VPS13B: variants seen among roughly 807,000 people sequenced by gnomAD.
The protein encoded by VPS13B is intermembrane lipid transfer protein VPS13B.
VPS13B carries 285 observed loss-of-function variants against 426.4 expected under a neutral mutation model. The observed-to-expected ratio is 0.67, with a 90% CI of 0.61 to 0.74. The LOEUF (loss-of-function observed/expected upper bound fraction) is 0.74, where lower values mean the gene tolerates loss of function less well. VPS13B is among the 30% of genes least tolerant of loss of function. The pLI, the probability that VPS13B is intolerant of heterozygous loss-of-function variation, is 0.00. For missense variants in VPS13B, 4,537 were observed against 4,782.6 expected (o/e 0.95, Z 1.51); for synonymous variants, 1,676 against 1,676.4 (o/e 1.00, Z 0.01).
In VPS13B at chr8:99,308,296, A is replaced by G. The variant is rs567836820; in HGVS notation, c.2824+33042A>G. Among the ~76,000 whole-genome samples the G allele has an allele frequency of 1.7e-3, 259 of 152,198 alleles. 2 individuals are homozygous for G. The highest frequency in any genetic ancestry group is 5.8e-3 in the South Asian group (28 of 4,816). On this transcript the variant is annotated intron_variant, in intron 19 of 61. Transcript: ENST00000357162. ...CTGCACCCATTAACTCGTCATTTACATTAGGTATATCTCCTAATGCTATCT... is the reference window on the plus strand; with the variant it reads ...CTGCACCCATTAACTCGTCATTTACGTTAGGTATATCTCCTAATGCTATCT...
At chr8:99,127,964 A>G (rs1422068743) in intron 8 of VPS13B, among the ~76,000 whole-genome samples, 1 of 152,168 alleles carries the variant, frequency 6.6e-6, no homozygotes, top group Non-Finnish European at 1.5e-5. Flanking sequence ...ACATGTTTTA[A>G]TTAATGTATA....
chr8:99,415,660 C>T (rs1421027786), intron 21 of VPS13B, among the ~76,000 whole-genome samples: 3 of 152,174 alleles, frequency 2.0e-5, no homozygotes, highest in Admixed American at 1.3e-4. Context: ...TTCCTTATAA[C>T]AGTCAGGCTG....
intron 30 of VPS13B, among the ~76,000 whole-genome samples, chr8:99,538,124 A>G (rs1163190015): frequency 1.3e-5 from 2 of 152,128 alleles, no homozygotes; most frequent in Non-Finnish European, 2.9e-5. Flanking sequence ...ACCTGTGGGT[A>G]TATAAAGTTC....
chr8:99,086,229 C>G (rs553134322), intron 3 of VPS13B, among the ~76,000 whole-genome samples: 2 of 152,220 alleles, frequency 1.3e-5, no homozygotes, highest in Admixed American at 1.3e-4. Flanking sequence ...TCACTGATAC[C>G]CTTTCTTCCA....
chr8:99,615,415 C>T (rs890822451), intron 33 of VPS13B, among the ~76,000 whole-genome samples: 1 of 152,090 alleles, frequency 6.6e-6, no homozygotes, highest in African/African-American at 2.4e-5. Flanking sequence ...ACTCCTTAAT[C>T]CTTAATCTTA....
Position 99,699,802 on chromosome 8 carries a change from A to T in VPS13B, c.6324A>T (p.Lys2108Asn), listed in dbSNP as rs140028547. The T allele has an allele frequency of 1.9e-6, 3 of 1,613,806 alleles. No homozygotes were observed. The highest frequency in any genetic ancestry group is 2.7e-5 in the African/African-American group (2 of 74,892). Residue 2108 changes from lysine to asparagine, a missense_variant, in exon 36 of 62, where the codon AAA becomes AAT. Physicochemically the swap from Lys to Asn is moderately conservative, Grantham distance 94 (BLOSUM62 0). Coordinates refer to ENST00000357162, the MANE Select transcript of VPS13B (RefSeq NM_152564.5). ...NMWRAVSCFQ[K>N]ISVQTTQIVI... ...GGAGAGCTGTTTCCTGCTTTCAAAA[A>T]ATTTCTGTTCAAACTACTCAGATTG...
intron 17 of VPS13B, among the ~76,000 whole-genome samples, chr8:99,195,881 G>A (rs1195331917): frequency 6.6e-6 from 1 of 152,098 alleles, no homozygotes; most frequent in Non-Finnish European, 1.5e-5. Flanking sequence ...AAATGTGTGG[G>A]TTTATTTTGG....
At chr8:99,404,154 G>T (rs1399184640) in intron 21 of VPS13B, among the ~76,000 whole-genome samples, 1 of 152,158 alleles carries the variant, frequency 6.6e-6, no homozygotes, top group East Asian at 1.9e-4. Flanking sequence ...CATAATATGT[G>T]ATTTGAACTG....
intron 25 of VPS13B, among the ~76,000 whole-genome samples, chr8:99,491,869 T>C (rs1820620660): frequency 6.6e-6 from 1 of 152,212 alleles, no homozygotes; most frequent in Non-Finnish European, 1.5e-5. Flanking sequence ...TTCTGTCAAT[T>C]CGTCAAAGTC....
intron 39 of VPS13B, among the ~76,000 whole-genome samples, chr8:99,732,041 T>C (rs1387240945): frequency 6.6e-6 from 1 of 152,190 alleles, no homozygotes. Flanking sequence ...TCAGGAAGTT[T>C]ATAGACCCCC....
rs1809615817 is a variant in VPS13B at position 99,740,028 on chromosome 8, TA to T, written c.7050+18984del. Among the ~76,000 whole-genome samples the T allele has an allele frequency of 9.9e-5, 15 of 152,190 alleles. No homozygotes were observed. The South Asian group carries it at 3.1e-3, about 32-fold the overall frequency. On this transcript the variant is annotated intron_variant, in intron 39 of 61. Coordinates refer to ENST00000357162, the MANE Select transcript of VPS13B (RefSeq NM_152564.5). ...TTCAGACGATCAAACTACTCCAAGC[TA>T]AAGGAGGAAGTACGAACCCATGGCA...
chr8:99,475,106 C>T (rs1468120598), intron 24 of VPS13B, among the ~76,000 whole-genome samples: 2 of 152,124 alleles, frequency 1.3e-5, no homozygotes, highest in Non-Finnish European at 2.9e-5. Context: ...AGAGTTCTTA[C>T]TCCATAATTC....
At position 99,235,073 on chromosome 8, in the gene VPS13B, T is replaced by C. The variant is rs530583786; in HGVS notation, c.2516-39125T>C. ...CAAGAGTGCTTTACAACCATTTCTG[T>C]GTAGATTTTTAATTAATGAATTGTT... On this transcript the variant is annotated intron_variant, in intron 17 of 61. Coordinates refer to ENST00000357162, the MANE Select transcript of VPS13B (RefSeq NM_152564.5). Among the ~76,000 whole-genome samples, 249 of 152,322 alleles carry C rather than the reference T, an allele frequency of 1.6e-3. 2 individuals are homozygous for C. Among genetic ancestry groups the C allele is most frequent in the Non-Finnish European group, 2.2e-3 (152 of 68,006 alleles).
chr8:99,048,179 A>G (rs978412814), intron 3 of VPS13B, among the ~76,000 whole-genome samples: 1 of 152,172 alleles, frequency 6.6e-6, no homozygotes, highest in Non-Finnish European at 1.5e-5. Context: ...TTTGGAGTTG[A>G]TTTCCAGTTT....
chr8:99,745,434 A>G (rs1810032022), intron 39 of VPS13B, among the ~76,000 whole-genome samples: 1 of 152,114 alleles, frequency 6.6e-6, no homozygotes, highest in Non-Finnish European at 1.5e-5. Context: ...TCATTTACCC[A>G]TAGGTGAGTA....
chr8:99,651,383 A>G (rs1473908486), intron 34 of VPS13B, among the ~76,000 whole-genome samples: 2 of 152,174 alleles, frequency 1.3e-5, no homozygotes, highest in Admixed American at 1.3e-4. Context: ...TTGTTTAAAA[A>G]CTAAATTATC....
At chr8:99,390,803 T>G (rs1814399351) in intron 20 of VPS13B, among the ~76,000 whole-genome samples, 1 of 152,258 alleles carries the variant, frequency 6.6e-6, no homozygotes, top group Non-Finnish European at 1.5e-5. Flanking sequence ...ATGGCAAACT[T>G]AAAACTTTTT....
intron 33 of VPS13B, among the ~76,000 whole-genome samples, chr8:99,603,904 T>C (rs950425962): frequency 6.6e-6 from 1 of 152,182 alleles, no homozygotes; most frequent in Non-Finnish European, 1.5e-5. Flanking sequence ...AGGTTTGAGA[T>C]GGGTGGCAGG....
At chr8:99,572,449 T>C (rs969273875) in intron 31 of VPS13B, among the ~76,000 whole-genome samples, 1 of 150,760 alleles carries the variant, frequency 6.6e-6, no homozygotes, top group Admixed American at 6.6e-5. Context: ...TCCTAATGCT[T>C]TCCCTCCCCC....
Sources: allele counts gnomAD v4.1 joint callset (sites outside exome capture counted in the v4.1 genomes callset), GRCh38; gene constraint gnomAD v4.1.1; transcripts MANE v1.5; gene names NCBI Gene and HGNC (gene_info 2026-07-23, HGNC 2026-07-21).